ST18: variants seen among roughly 807,000 people sequenced by gnomAD.
ST18 encodes the protein suppression of tumorigenicity 18 protein.
ST18 carries 50 observed loss-of-function variants against 110.0 expected under a neutral mutation model. The observed-to-expected ratio is 0.45, with a 90% CI of 0.36 to 0.58. The LOEUF is 0.58. Ranked by LOEUF, ST18 falls within the 20% of genes least tolerant of loss-of-function variation. ST18 has a pLI of 0.00. For synonymous variants in ST18, 461 were observed against 452.4 expected, an observed-to-expected ratio of 1.02 and a Z score of -0.24; for missense variants, 1,306 against 1,280.1, an observed-to-expected ratio of 1.02 and a Z score of -0.31.
intron 24 of ST18, among the ~76,000 whole-genome samples, chr8:52,117,696 T>A (rs1292692949): frequency 6.6e-6 from 1 of 152,186 alleles, no homozygotes; most frequent in Non-Finnish European, 1.5e-5. Flanking sequence ...ATAAAAATCC[T>A]GCATTTCAGA....
chr8:52,176,935 T>C (rs151122436), intron 9 of ST18, among the ~76,000 whole-genome samples: 40 of 152,342 alleles, frequency 2.6e-4, no homozygotes, highest in African/African-American at 8.9e-4. Context: ...CTTGGAAAAA[T>C]GAATTCATCT....
chr8:52,141,135 T>C (rs561894888), intron 17 of ST18, among the ~76,000 whole-genome samples: 4 of 152,322 alleles, frequency 2.6e-5, no homozygotes, highest in African/African-American at 9.6e-5. Flanking sequence ...CAAGGGAGAA[T>C]GCTATTTCAG....
chr8:52,132,108 C>T lies in ST18; in HGVS notation c.2516G>A (p.Gly839Asp). 6.2e-7 allele frequency: 1 copy of T among 1,614,178 alleles called. No individual in the cohort carries two copies. The highest frequency in any genetic ancestry group is 1.1e-5 in the South Asian group (1 of 91,080). ...GKYTSHRTAS[G>D]CPLAAKRQKE... ...CTGTCTCTTGGCAGCCAGAGGACAG[C>T]CAGAAGCTGTGCGGTGTGATGTGTA... The change falls in exon 22 of 26, where the codon GGC becomes GAC. Residue 839 changes from glycine to aspartate, a missense_variant. Gly to Asp is a moderately conservative substitution (Grantham distance 94). Transcript: ENST00000689386.
chr8:52,118,030 T>C (rs1428354011), intron 24 of ST18, among the ~76,000 whole-genome samples: 1 of 152,228 alleles, frequency 6.6e-6, no homozygotes, highest in Non-Finnish European at 1.5e-5. Context: ...TTCTTACCTT[T>C]CCATCACATT....
intron 8 of ST18, among the ~76,000 whole-genome samples, chr8:52,186,171 A>G (rs894408843): frequency 1.3e-5 from 2 of 152,204 alleles, no homozygotes; most frequent in African/African-American, 4.8e-5. Flanking sequence ...TATTTGCAGT[A>G]CCTACATCAA....
chr8:52,370,442 G>C (rs1319569529), intron 2 of ST18, among the ~76,000 whole-genome samples: 1 of 151,514 alleles, frequency 6.6e-6, no homozygotes, highest in Non-Finnish European at 1.5e-5. Flanking sequence ...GCATGTTCAG[G>C]AGCAAAGAGC....
intron 2 of ST18, among the ~76,000 whole-genome samples, chr8:52,288,103 AC>A (rs1388146039): frequency 6.6e-6 from 1 of 152,206 alleles, no homozygotes; most frequent in Non-Finnish European, 1.5e-5. Flanking sequence ...CTAAATGCCT[AC>A]TTCATCACCC....
intron 2 of ST18, among the ~76,000 whole-genome samples, chr8:52,323,859 C>A (rs1022079060): frequency 6.6e-6 from 1 of 152,170 alleles, no homozygotes; most frequent in East Asian, 1.9e-4. Context: ...CAAGTATGAC[C>A]TTTGGAATGG....
At chr8:52,190,398 C>T (rs1371164139) in intron 8 of ST18, among the ~76,000 whole-genome samples, 4 of 151,992 alleles carry the variant, frequency 2.6e-5, no homozygotes, top group African/African-American at 9.7e-5. Flanking sequence ...GCTGATGGTC[C>T]CTATCATTTT....
chr8:52,233,448 TGAA>T (rs1193513134), intron 2 of ST18, among the ~76,000 whole-genome samples: 1 of 152,018 alleles, frequency 6.6e-6, no homozygotes, highest in Non-Finnish European at 1.5e-5. Flanking sequence ...GTAGTTTGAG[TGAA>T]GAAGAATTCC....
intron 12 of ST18, 31 bp from the exon 13 acceptor site, chr8:52,164,121 T>G: frequency 6.4e-7 from 1 of 1,570,854 alleles, no homozygotes; most frequent in Non-Finnish European, 8.8e-7. Context: ...AGGAGGATTT[T>G]AGTTAAAATG....
At chr8:52,156,458 C>A (rs1023477218) in intron 15 of ST18, among the ~76,000 whole-genome samples, 3 of 152,150 alleles carry the variant, frequency 2.0e-5, no homozygotes, top group Non-Finnish European at 4.4e-5. Context: ...CAAATAATAG[C>A]AGAGAGATAA....
intron 8 of ST18, among the ~76,000 whole-genome samples, chr8:52,209,707 T>C (rs901511142): frequency 3.4e-5 from 5 of 145,972 alleles, no homozygotes; most frequent in African/African-American, 1.3e-4. Flanking sequence ...GAGGCGGAGG[T>C]TGCAGTGAAC....
intron 7 of ST18, among the ~76,000 whole-genome samples, chr8:52,213,788 A>G (rs915495898): frequency 1.3e-5 from 2 of 152,202 alleles, no homozygotes; most frequent in Non-Finnish European, 2.9e-5. Flanking sequence ...AACTAAGTTT[A>G]GGTTGGGAGC....
chr8:52,170,492 AAAT>A (rs1420287891), intron 10 of ST18, among the ~76,000 whole-genome samples: 1 of 151,674 alleles, frequency 6.6e-6, no homozygotes, highest in Non-Finnish European at 1.5e-5. Context: ...ATAAATAAAT[AAAT>A]AAAAATGGAG....
chr8:52,253,744 T>C (rs574880104), intron 2 of ST18, among the ~76,000 whole-genome samples: 39 of 152,130 alleles, frequency 2.6e-4, no homozygotes, highest in Non-Finnish European at 5.1e-4. Flanking sequence ...ATTTTTGCAA[T>C]CTCATAAATT....
At chr8:52,172,884 T>A (rs112146217) in intron 9 of ST18, among the ~76,000 whole-genome samples, 4 of 152,284 alleles carry the variant, frequency 2.6e-5, no homozygotes, top group African/African-American at 9.6e-5. Context: ...ACTTCTGGGG[T>A]ATTGACCAAG....
chr8:52,357,054 C>T (rs1474172358), intron 2 of ST18, among the ~76,000 whole-genome samples: 1 of 151,998 alleles, frequency 6.6e-6, no homozygotes, highest in African/African-American at 2.4e-5. Flanking sequence ...CCACATGTAC[C>T]CCTGAATTTA....
intron 23 of ST18, among the ~76,000 whole-genome samples, chr8:52,119,416 A>G (rs1284956279): frequency 6.6e-6 from 1 of 152,136 alleles, no homozygotes; most frequent in East Asian, 1.9e-4. Context: ...AGGACATGTG[A>G]ACTTCCACGT....
Sources: allele counts gnomAD v4.1 joint callset (sites outside exome capture counted in the v4.1 genomes callset), GRCh38; gene constraint gnomAD v4.1.1; transcripts MANE v1.5; gene names NCBI Gene and HGNC (gene_info 2026-07-23, HGNC 2026-07-21).